Variants in MAGI1 observed in about 807,000 individuals in gnomAD.
MAGI1 encodes membrane associated guanylate kinase, WW and PDZ domain containing 1.
Under a neutral mutation model 139.9 loss-of-function variants are expected in MAGI1, and 58 were observed. The observed-to-expected ratio is 0.41, with a 90% confidence interval of 0.34 to 0.52. MAGI1 has a LOEUF of 0.52. Among genes scored for constraint, MAGI1 ranks in the 20% least tolerant of loss-of-function variants. The pLI is 0.12. For synonymous variants in MAGI1, 812 were observed against 737.9 expected, an observed-to-expected ratio of 1.10 and a Z score of -1.63; for missense variants, 1,874 against 1,901.6, an observed-to-expected ratio of 0.99 and a Z score of 0.27.
intron 2 of MAGI1, among the ~76,000 whole-genome samples, chr3:65,526,299 GC>G (rs1201575815): frequency 6.6e-6 from 1 of 152,102 alleles, no homozygotes; most frequent in Non-Finnish European, 1.5e-5. Flanking sequence ...GGAAGTTACT[GC>G]CTGTAAAACA....
chr3:65,818,450 G>C (rs1440053728), intron 1 of MAGI1, among the ~76,000 whole-genome samples: 1 of 152,130 alleles, frequency 6.6e-6, no homozygotes, highest in Non-Finnish European at 1.5e-5. Flanking sequence ...GAACAAATAG[G>C]GGGGTCCAAC....
intron 1 of MAGI1, among the ~76,000 whole-genome samples, chr3:65,677,117 G>A (rs1052874327): frequency 2.0e-5 from 3 of 152,304 alleles, no homozygotes; most frequent in East Asian, 1.9e-4. Flanking sequence ...TTAGGAGAAC[G>A]TGCAGACATT....
chr3:65,788,290 A>C (rs529813382), intron 1 of MAGI1, among the ~76,000 whole-genome samples: 8 of 152,214 alleles, frequency 5.3e-5, no homozygotes, highest in Non-Finnish European at 1.0e-4. Context: ...TTCTCATCCC[A>C]ATCTTACAAA....
intron 1 of MAGI1, among the ~76,000 whole-genome samples, chr3:65,751,667 G>A (rs1305641778): frequency 6.6e-6 from 1 of 152,190 alleles, no homozygotes; most frequent in Non-Finnish European, 1.5e-5. Context: ...AAGTATCACT[G>A]AGTCAAATGT....
chr3:66,026,620 T>G (rs759840888), intron 1 of MAGI1, among the ~76,000 whole-genome samples: 2 of 151,364 alleles, frequency 1.3e-5, no homozygotes, highest in Non-Finnish European at 2.9e-5. Context: ...AAAACTATAG[T>G]TACAAGGCAC....
intron 3 of MAGI1, among the ~76,000 whole-genome samples, chr3:65,492,455 A>G (rs1163671909): frequency 6.6e-6 from 1 of 152,254 alleles, no homozygotes; most frequent in Non-Finnish European, 1.5e-5. Flanking sequence ...AAGTGGTTAA[A>G]TAAATTACGG....
At chr3:65,574,257 A>G (rs1238997182) in intron 2 of MAGI1, among the ~76,000 whole-genome samples, 1 of 151,130 alleles carries the variant, frequency 6.6e-6, no homozygotes, top group East Asian at 1.9e-4. Context: ...ATATATACAT[A>G]CATATATGTA....
intron 1 of MAGI1, among the ~76,000 whole-genome samples, chr3:66,027,816 T>C (rs1256400919): frequency 5.3e-5 from 8 of 152,148 alleles, no homozygotes; most frequent in Non-Finnish European, 1.0e-4. Context: ...TGAGGGGCTG[T>C]TGTGTACATT....
chr3:65,664,307 T>C (rs1474658639), intron 1 of MAGI1, among the ~76,000 whole-genome samples: 6 of 152,324 alleles, frequency 3.9e-5, no homozygotes, highest in Non-Finnish European at 5.9e-5. Context: ...GTTTACTGTC[T>C]CTGAGTCTAG....
chr3:65,885,070 T>A (rs535916329), intron 1 of MAGI1, among the ~76,000 whole-genome samples: 10 of 152,028 alleles, frequency 6.6e-5, no homozygotes, highest in Non-Finnish European at 1.0e-4. Flanking sequence ...ATAAAATAAA[T>A]TACAAAACAG....
intron 7 of MAGI1, among the ~76,000 whole-genome samples, chr3:65,443,128 T>C (rs1948458254): frequency 6.6e-6 from 1 of 152,206 alleles, no homozygotes; most frequent in Admixed American, 6.6e-5. Context: ...TAGATTTTAG[T>C]GAAAATATAG....
chr3:65,708,648 G>A lies in MAGI1; in HGVS notation c.314-86560C>T, dbSNP rs547614212. On this transcript the variant is annotated intron_variant, in intron 1 of 22. Coordinates refer to ENST00000402939, the MANE Select transcript of MAGI1 (RefSeq NM_001033057.2). ...ATGAAAAAGTGAGAAAAAAGGAAGG[G>A]AGGGAAGAAGAGGAGAATGATGGCA... 1.2e-4 allele frequency among the ~76,000 whole-genome samples: 18 copies of A among 152,090 alleles called. No homozygotes were observed. In the South Asian group the frequency reaches 3.5e-3, roughly 30 times the overall value.
intron 12 of MAGI1, among the ~76,000 whole-genome samples, chr3:65,427,366 G>A (rs931945508): frequency 6.6e-6 from 1 of 152,114 alleles, no homozygotes; most frequent in Non-Finnish European, 1.5e-5. Context: ...TCAGTTGTTT[G>A]CTGGCTTAGG....
chr3:65,503,327 T>C (rs753316391), intron 2 of MAGI1, among the ~76,000 whole-genome samples: 10 of 152,228 alleles, frequency 6.6e-5, no homozygotes, highest in South Asian at 6.2e-4. Context: ...ACACTTTATA[T>C]GTGGTAATCT....
chr3:65,611,599 GTA>G (rs1419690941), intron 2 of MAGI1, among the ~76,000 whole-genome samples: 2 of 130,680 alleles, frequency 1.5e-5, no homozygotes, highest in Middle Eastern at 4.5e-3. Context: ...AGTATATACA[GTA>G]TATATATACT....
intron 1 of MAGI1, among the ~76,000 whole-genome samples, chr3:65,794,220 C>A (rs2039973526): frequency 6.6e-6 from 1 of 152,154 alleles, no homozygotes; most frequent in South Asian, 2.1e-4. Context: ...AAAACTTGTG[C>A]TCTGTGGAAA....
chr3:65,607,621 T>C (rs1194894589), intron 2 of MAGI1, among the ~76,000 whole-genome samples: 1 of 152,228 alleles, frequency 6.6e-6, no homozygotes, highest in African/African-American at 2.4e-5. Context: ...GCTCACTGAC[T>C]ATTCTTATGT....
At chr3:65,385,360 T>C (rs1412240995) in intron 14 of MAGI1, among the ~76,000 whole-genome samples, 3 of 152,170 alleles carry the variant, frequency 2.0e-5, no homozygotes, top group Admixed American at 6.5e-5. Context: ...AAAAAATATA[T>C]ATTTCAGTTG....
chr3:65,585,929 C>T (rs146165163), intron 2 of MAGI1, among the ~76,000 whole-genome samples: 8 of 152,122 alleles, frequency 5.3e-5, no homozygotes, highest in African/African-American at 1.4e-4. Flanking sequence ...AAACACAGGC[C>T]GGGTGCAGTG....
Sources: allele counts gnomAD v4.1 joint callset (sites outside exome capture counted in the v4.1 genomes callset), GRCh38; gene constraint gnomAD v4.1.1; transcripts MANE v1.5; gene names NCBI Gene and HGNC (gene_info 2026-07-23, HGNC 2026-07-21).